ANAPC2: variants seen among roughly 807,000 people sequenced by gnomAD.
ANAPC2 encodes the protein anaphase promoting complex subunit 2.
A neutral mutation model predicts 84.3 loss-of-function variants in ANAPC2; 29 were observed. The ratio of observed to expected loss-of-function variants is 0.34; its 90% CI spans 0.26 to 0.47. The LOEUF (loss-of-function observed/expected upper bound fraction) is 0.47. Ranked by LOEUF, ANAPC2 falls within the 20% of genes least tolerant of loss-of-function variation. The pLI is 1.00. For missense variants in ANAPC2, 857 were observed against 1,131.7 expected (o/e 0.76, Z 3.48); for synonymous variants, 571 against 479.4 (o/e 1.19, Z -2.50).
chr9:137,178,601 A>G (rs569461385), intron 10 of ANAPC2, among the ~76,000 whole-genome samples: 1 of 152,292 alleles, frequency 6.6e-6, no homozygotes, highest in Admixed American at 6.5e-5. Context: ...GTACCAGAAC[A>G]CAGCGGGGCA....
intron 1 of ANAPC2, 142 bp from the exon 2 acceptor site, chr9:137,188,245 A>G: frequency 7.5e-7 from 1 of 1,338,992 alleles, no homozygotes; most frequent in Non-Finnish European, 1.0e-6. Context: ...GAAGCTATGG[A>G]AGGGCTGTCA....
intron 2 of ANAPC2, 55 bp downstream of exon 2, chr9:137,187,426 G>A: frequency 1.3e-6 from 2 of 1,551,004 alleles, no homozygotes; most frequent in East Asian, 2.3e-5. Flanking sequence ...GGACCCAGGG[G>A]AGCAGCGGGG....
chr9:137,188,088 T>C lies in ANAPC2; in HGVS notation c.133A>G (p.Ser45Gly), dbSNP rs765352678. ...AALGLVSSRT[S>G]GAVPPKEEEL... ...TCTTCCTTTGGCGGGACTGCACCGC[T>C]GGTCCGGGAAGACACCTGGGGTGCA... The change falls in exon 2 of 13, where the codon AGC (serine) becomes GGC (glycine). Residue 45 changes from serine (S) to glycine (G), a missense_variant. Ser to Gly is a moderately conservative substitution (Grantham distance 56). This residue lies in a region of ANAPC2 where 428 missense variants were observed against 513.8 expected (regional missense o/e 0.83). Transcript: ENST00000323927. 3.1e-6 allele frequency: 5 copies of C among 1,611,910 alleles called. No homozygotes were observed. Among genetic ancestry groups the C allele is most frequent in the South Asian group, 2.2e-5 (2 of 91,068 alleles).
At chr9:137,179,128 C>A (rs1834284332) in intron 10 of ANAPC2, among the ~76,000 whole-genome samples, 1 of 152,194 alleles carries the variant, frequency 6.6e-6, no homozygotes, top group Non-Finnish European at 1.5e-5. Flanking sequence ...CCTGCCTGGG[C>A]CGAGGCTGGA....
chr9:137,187,838 C>T lies in ANAPC2; in HGVS notation c.383G>A (p.Ser128Asn), dbSNP rs1392957955. Residue 128 changes from serine to asparagine, a missense_variant, in exon 2 of 13, where the codon AGC (serine) becomes AAC (asparagine). Ser to Asn is a conservative substitution (Grantham distance 46). Around this residue, in one of 3 missense-constraint regions of ANAPC2, gnomAD observed 428 missense variants for 513.8 expected, o/e 0.83. Transcript: ENST00000323927. ...LESRLDPYLR[S>N]LELLEKWTRL... ...AGTCCATTTCTCCAGCAGCTCTAGG[C>T]TACGCAGGTAGGGATCCAGGCGGCT... The T allele has an allele frequency of 6.2e-7, 1 of 1,613,520 alleles. No homozygotes were observed. Among genetic ancestry groups the T allele is most frequent in the Non-Finnish European group, 8.5e-7 (1 of 1,180,050 alleles).
chr9:137,188,401 C>T lies in ANAPC2; in HGVS notation c.117+15G>A. The T allele has an allele frequency of 6.2e-7, 1 of 1,602,482 alleles. No individual in the cohort carries two copies. Among genetic ancestry groups the T allele is most frequent in the Non-Finnish European group, 8.5e-7 (1 of 1,177,552 alleles). On this transcript the variant is annotated intron_variant, in intron 1 of 12. Transcript: ENST00000323927. ...AAACTCCGCGCGGGGCCGCCCCTCT[C>T]TTCCCAGGCCTCACCAGCCCCAGCG...
At chr9:137,181,965 CTG>C in intron 6 of ANAPC2, 103 bp from the exon 7 acceptor site, 1 of 1,287,622 alleles carries the variant, frequency 7.8e-7, no homozygotes, top group Non-Finnish European at 1.1e-6. Flanking sequence ...ACCACCGACC[CTG>C]CCTCTACACT....
At chr9:137,179,159 C>T (rs1437009607) in intron 10 of ANAPC2, among the ~76,000 whole-genome samples, 3 of 152,156 alleles carry the variant, frequency 2.0e-5, no homozygotes, top group African/African-American at 7.2e-5. Context: ...CCTGGGGTAC[C>T]TGGGGTTGGG....
At chr9:137,178,978 TCTTA>T (rs933980126) in intron 10 of ANAPC2, among the ~76,000 whole-genome samples, 18 of 152,310 alleles carry the variant, frequency 1.2e-4, no homozygotes, top group Admixed American at 5.9e-4. Flanking sequence ...AGCAAGGCCC[TCTTA>T]CTTGCAAAAG....
In ANAPC2 at chr9:137,187,869, G is replaced by A; in HGVS notation, c.352C>T (p.Leu118=). 1.9e-6 allele frequency: 3 copies of A among 1,613,666 alleles called. No individual in the cohort carries two copies. Among genetic ancestry groups the A allele is most frequent in the Non-Finnish European group, 2.5e-6 (3 of 1,180,046 alleles). ...LLLLLDAFGL[L]ESRLDPYLRS... is the part of the protein sequence containing the mutation. ...AGGTAGGGATCCAGGCGGCTCTCCAGCAGGCCAAAAGCGTCAAGGAGTAGC... is the reference window on the plus strand; with the variant it reads ...AGGTAGGGATCCAGGCGGCTCTCCAACAGGCCAAAAGCGTCAAGGAGTAGC... Residue 118 remains leucine, a synonymous_variant, in exon 2 of 13, where the codon CTG becomes TTG. Coordinates refer to ENST00000323927, the MANE Select transcript of ANAPC2 (RefSeq NM_013366.4).
In ANAPC2 at chr9:137,184,986, G is replaced by C. The variant is rs562170554; in HGVS notation, c.975C>G (p.Arg325=). 6.2e-7 allele frequency: 1 copy of C among 1,610,958 alleles called. No homozygotes were observed. Among genetic ancestry groups the C allele is most frequent in the African/African-American group, 1.3e-5 (1 of 75,014 alleles). ...GGTAGAAGAACCTTTGCACGTGGCA[G>C]CGCCAGCGGCGCAGGGTGTTGCCGG... ...PEAGNTLRRW[R]CHVQRFFYRI... is the part of the protein sequence containing the mutation. Residue 325 remains arginine (R), a synonymous_variant, in exon 4 of 13, where the codon CGC becomes CGG. Coordinates refer to ENST00000323927, the MANE Select transcript of ANAPC2 (RefSeq NM_013366.4).
In ANAPC2 at chr9:137,175,878, G is replaced by A. The variant is rs1044287070; in HGVS notation, c.1891-41C>T. 3 of 1,560,708 alleles carry A rather than the reference G, an allele frequency of 1.9e-6. No individual in the cohort carries two copies. The African/African-American group carries it at 4.1e-5, about 21-fold the overall frequency. On this transcript the variant is annotated intron_variant, in intron 10 of 12. Transcript: ENST00000323927. ...GTCAGCACGGGCAGCTCGGCTGCAGGGCGCTCAGGCCCGTGGGCTCTGCCA... is the reference window on the plus strand; with the variant it reads ...GTCAGCACGGGCAGCTCGGCTGCAGAGCGCTCAGGCCCGTGGGCTCTGCCA...
intron 3 of ANAPC2, among the ~76,000 whole-genome samples, chr9:137,185,444 CG>C (rs1834444209): frequency 6.6e-6 from 1 of 152,158 alleles, no homozygotes; most frequent in Admixed American, 6.5e-5. Flanking sequence ...TGAGACCAGC[CG>C]GGGGGCCCAG....
In ANAPC2 at chr9:137,188,058, G is replaced by C; in HGVS notation, c.163C>G (p.Leu55Val). ...CTCAGAACCTCCACCGCCGCCCGGA[G>C]CTCCTCTTCCTTTGGCGGGACTGCA... The part of the protein sequence containing the change: ...SGAVPPKEEE[L>V]RAAVEVLRGH... The change falls in exon 2 of 13, where the codon CTC becomes GTC. Residue 55 changes from leucine to valine, a missense_variant. This residue lies in a region of ANAPC2 where 428 missense variants were observed against 513.8 expected (regional missense o/e 0.83). Coordinates refer to ENST00000323927, the MANE Select transcript of ANAPC2 (RefSeq NM_013366.4). 1 of 1,613,508 alleles carries C rather than the reference G, an allele frequency of 6.2e-7. No homozygotes were observed. Among genetic ancestry groups the C allele is most frequent in the Non-Finnish European group, 8.5e-7 (1 of 1,180,008 alleles).
In ANAPC2 at chr9:137,180,984, C is replaced by A. The variant is rs544285711; in HGVS notation, c.1469-55G>T. 474 of 1,589,980 alleles carry A rather than the reference C, an allele frequency of 3.0e-4. 1 individual carries two copies. The highest frequency in any genetic ancestry group is 2.1e-3 in the Middle Eastern group (12 of 5,662). ...GACAGGCACCTGGGCAAGGACAGGG[C>A]CGCCCTCCTCCCATCCCGCCCAGCC... On this transcript the variant is annotated intron_variant, in intron 7 of 12. Coordinates refer to ENST00000323927, the MANE Select transcript of ANAPC2 (RefSeq NM_013366.4).
rs1051522894 is a variant in ANAPC2 at position 137,188,438 on chromosome 9, A to G, written c.95T>C (p.Val32Ala). ...CACCAGCCCCAGCGCAGCCGGCGGCACCAGGCCGGTGCTCACGGTGTTCCA... is the reference window on the plus strand; with the variant it reads ...CACCAGCCCCAGCGCAGCCGGCGGCGCCAGGCCGGTGCTCACGGTGTTCCA... ...VAWNTVSTGL[V>A]PPAALGLVSS... Residue 32 changes from valine (V) to alanine (A), a missense_variant, in exon 1 of 13, where the codon GTG becomes GCG. Around this residue, in one of 3 missense-constraint regions of ANAPC2, gnomAD observed 428 missense variants for 513.8 expected, o/e 0.83. Coordinates refer to ENST00000323927, the MANE Select transcript of ANAPC2 (RefSeq NM_013366.4). The G allele has an allele frequency of 6.2e-7, 1 of 1,609,018 alleles. No homozygotes were observed. The highest frequency in any genetic ancestry group is 1.3e-5 in the African/African-American group (1 of 74,894).
At chr9:137,183,616 G>T in intron 5 of ANAPC2, 56 bp downstream of exon 5, 1 of 1,572,554 alleles carries the variant, frequency 6.4e-7, no homozygotes. Context: ...CTGGACATGG[G>T]TCCCCTGGTG....
intron 3 of ANAPC2, among the ~76,000 whole-genome samples, 180 bp downstream of exon 3, chr9:137,186,044 G>A (rs930345401): frequency 3.3e-5 from 5 of 152,158 alleles, no homozygotes; most frequent in African/African-American, 9.7e-5. Flanking sequence ...ATGCGTCCTC[G>A]CTATCACCAG....
chr9:137,186,860 C>T (rs1834482973), intron 2 of ANAPC2: 1 of 164,780 alleles, frequency 6.1e-6, no homozygotes, highest in African/African-American at 2.4e-5. Context: ...CACGGTCTCC[C>T]TGACCCCTGC....
Sources: allele counts gnomAD v4.1 joint callset (sites outside exome capture counted in the v4.1 genomes callset), GRCh38; gene constraint gnomAD v4.1.1; regional missense constraint gnomAD v4.1.1; transcripts MANE v1.5; gene names NCBI Gene and HGNC (gene_info 2026-07-23, HGNC 2026-07-21).